EPM2A: variants seen among roughly 807,000 people sequenced by gnomAD.
EPM2A encodes the protein laforin.
Under a neutral mutation model 26.5 loss-of-function variants are expected in EPM2A, and 21 were observed. The observed-to-expected ratio is 0.79, with a 90% CI of 0.56 to 1.14. The LOEUF is 1.14. Among genes scored for constraint, EPM2A ranks in the 50% most tolerant of loss-of-function variants. The pLI is 0.00. For missense variants in EPM2A, 458 were observed against 440.8 expected (o/e 1.04, Z -0.35); for synonymous variants, 217 against 177.6 (o/e 1.22, Z -1.76).
intron 4 of EPM2A, among the ~76,000 whole-genome samples, chr6:145,425,631 CAAAAAA>C (rs35954002): frequency 7.3e-6 from 1 of 137,166 alleles, no homozygotes; most frequent in Non-Finnish European, 1.6e-5. Context: ...TTGAGAATGG[CAAAAAA>C]AAAAAAAAAA....
chr6:145,715,250 C>A (rs1775550754), intron 1 of EPM2A, among the ~76,000 whole-genome samples: 1 of 152,080 alleles, frequency 6.6e-6, no homozygotes, highest in Admixed American at 6.5e-5. Context: ...TAGACAGGCA[C>A]CCACCAGACA....
intron 2 of EPM2A, among the ~76,000 whole-genome samples, chr6:145,659,941 T>A (rs773385914): frequency 2.0e-5 from 3 of 152,188 alleles, no homozygotes; most frequent in Non-Finnish European, 4.4e-5. Context: ...ATAAATATCA[T>A]CCAACCATGT....
intron 4 of EPM2A, among the ~76,000 whole-genome samples, chr6:145,385,493 A>G (rs960812571): frequency 3.3e-5 from 5 of 152,188 alleles, no homozygotes; most frequent in African/African-American, 9.6e-5. Flanking sequence ...TTTTTGTTTC[A>G]TAGATTCAAA....
chr6:145,563,517 G>T (rs1488448639), intron 2 of EPM2A, among the ~76,000 whole-genome samples: 4 of 152,098 alleles, frequency 2.6e-5, no homozygotes, highest in African/African-American at 9.6e-5. Flanking sequence ...TGTGAGTTTG[G>T]ATTTCATGGT....
intron 2 of EPM2A, among the ~76,000 whole-genome samples, chr6:145,577,089 A>G (rs1410990040): frequency 6.6e-6 from 1 of 151,820 alleles, no homozygotes; most frequent in African/African-American, 2.4e-5. Context: ...AAAATCACTT[A>G]CGCACAAATA....
chr6:145,423,538 T>C (rs1171566901), intron 4 of EPM2A, among the ~76,000 whole-genome samples: 4 of 152,226 alleles, frequency 2.6e-5, no homozygotes, highest in East Asian at 3.9e-4. Flanking sequence ...GAGTCAGAAA[T>C]AGAGGAAGCA....
intron 4 of EPM2A, among the ~76,000 whole-genome samples, chr6:145,491,369 T>C (rs1416383435): frequency 2.0e-5 from 3 of 152,088 alleles, no homozygotes; most frequent in African/African-American, 4.8e-5. Context: ...TTTTGGGTGC[T>C]GGCAGGAGCA....
intron 4 of EPM2A, chr6:145,490,679 G>A (rs567614749): frequency 4.6e-5 from 28 of 604,554 alleles, no homozygotes; most frequent in South Asian, 2.2e-4. Context: ...GATTTCATGC[G>A]TTCCTTCAAA....
intron 4 of EPM2A, chr6:145,489,485 C>A: frequency 3.7e-6 from 2 of 535,874 alleles, no homozygotes; most frequent in Non-Finnish European, 6.6e-6. Context: ...GAAGAGGAAT[C>A]AATTTGTTTC....
At chr6:145,393,645 T>C (rs1778366526) in intron 4 of EPM2A, among the ~76,000 whole-genome samples, 1 of 152,012 alleles carries the variant, frequency 6.6e-6, no homozygotes, top group Non-Finnish European at 1.5e-5. Flanking sequence ...GGGGCCACTC[T>C]CTTAGTGCTT....
chr6:145,552,080 C>G (rs182402121), intron 2 of EPM2A, among the ~76,000 whole-genome samples: 1 of 151,298 alleles, frequency 6.6e-6, no homozygotes. Context: ...AAATTTGATG[C>G]AAAATATGAA....
intron 2 of EPM2A, among the ~76,000 whole-genome samples, chr6:145,603,710 G>T: frequency 6.6e-6 from 1 of 152,106 alleles, no homozygotes; most frequent in East Asian, 1.9e-4. Context: ...CACTCTATTA[G>T]ATTATAAGCT....
chr6:145,674,855 C>T (rs987552895), intron 2 of EPM2A, among the ~76,000 whole-genome samples: 1 of 151,990 alleles, frequency 6.6e-6, no homozygotes, highest in Admixed American at 6.6e-5. Context: ...AGTTGGAAAA[C>T]ACTCTTCAGG....
chr6:145,612,838 A>G (rs919194936), intron 2 of EPM2A, among the ~76,000 whole-genome samples: 1 of 151,648 alleles, frequency 6.6e-6, no homozygotes, highest in African/African-American at 2.4e-5. Context: ...GCAAGTCATA[A>G]TCTTTTGCTG....
chr6:145,547,764 G>A (rs1780604768), intron 2 of EPM2A, among the ~76,000 whole-genome samples: 1 of 152,026 alleles, frequency 6.6e-6, no homozygotes, highest in South Asian at 2.1e-4. Flanking sequence ...AGAATCTTCA[G>A]GGCAAATTAC....
chr6:145,417,986 C>A (rs958988296), intron 4 of EPM2A, among the ~76,000 whole-genome samples: 1 of 152,282 alleles, frequency 6.6e-6, no homozygotes, highest in Admixed American at 6.5e-5. Context: ...CCACTCCCTC[C>A]CTCACACCCC....
Position 145,522,856 on chromosome 6 carries a change from T to A in EPM2A, c.341-20281A>T, listed in dbSNP as rs138883651. On this transcript the variant is annotated intron_variant, in intron 2 of 3. Coordinates refer to the EPM2A transcript ENST00000450221. Reference sequence around the variant, plus strand: ...CAAAGACACTCTCTTTTTTTATAACTCTTTATCTTTGCAAAGGTAGAGTCT... The same window carrying A: ...CAAAGACACTCTCTTTTTTTATAACACTTTATCTTTGCAAAGGTAGAGTCT... 1.8e-3 allele frequency among the ~76,000 whole-genome samples: 272 copies of A among 152,152 alleles called. 1 individual carries two copies. Among genetic ancestry groups the A allele is most frequent in the African/African-American group, 6.2e-3 (259 of 41,506 alleles).
At chr6:145,587,004 T>G (rs1781204271) in intron 2 of EPM2A, among the ~76,000 whole-genome samples, 1 of 152,190 alleles carries the variant, frequency 6.6e-6, no homozygotes, top group African/African-American at 2.4e-5. Context: ...ATTTTTTCAT[T>G]TCCTTTTATA....
chr6:145,658,313 T>C (rs1778441937), intron 2 of EPM2A, among the ~76,000 whole-genome samples: 1 of 152,230 alleles, frequency 6.6e-6, no homozygotes, highest in African/African-American at 2.4e-5. Context: ...TTGTTAAATT[T>C]ATGGCCTTCT....
Sources: gnomAD v4.1 joint callset for allele counts (sites outside exome capture counted in the v4.1 genomes callset) on GRCh38, gnomAD v4.1.1 for gene constraint, MANE v1.5 for transcripts, NCBI Gene and HGNC (gene_info 2026-07-23, HGNC 2026-07-21) for gene names.